The following TRIML2 variants were observed in gnomAD, a reference collection of about 807,000 sequenced individuals.
TRIML2 encodes tripartite motif family like 2.
In TRIML2, 28 loss-of-function variants were observed where a neutral mutation model predicts 31.2. The observed-to-expected ratio is 0.90, with a 90% CI of 0.66 to 1.23. TRIML2 has a LOEUF of 1.23. TRIML2 is among the 50% of genes most tolerant of loss of function. TRIML2 has a pLI of 0.00. For missense variants in TRIML2, 536 were observed against 528.3 expected, an observed-to-expected ratio of 1.01 and a Z score of -0.14; for synonymous variants, 187 against 197.5, an observed-to-expected ratio of 0.95 and a Z score of 0.45.
chr4:188,105,108 C>A lies in TRIML2; in HGVS notation c.189+72G>T, dbSNP rs116745036. On this transcript the variant is annotated intron_variant, in intron 2 of 7. Transcript: ENST00000682553. Reference sequence around the variant, plus strand: ...AACTAAGGTAATGGTTTTGGAGGACCAGAATGTCTGTCCATTTCATCCATA... The same window carrying A: ...AACTAAGGTAATGGTTTTGGAGGACAAGAATGTCTGTCCATTTCATCCATA... The A allele has an allele frequency of 4.8e-4, 728 of 1,529,316 alleles. 6 individuals are homozygous for A. The African/African-American group carries it at 8.9e-3, about 19-fold the overall frequency. 94.7% of individuals were successfully genotyped at this position (1,529,316 alleles called of 1,614,324 possible).
chr4:188,106,208 C>T (rs929319753), intron 1 of TRIML2, among the ~76,000 whole-genome samples: 1 of 49,636 alleles, frequency 2.0e-5, no homozygotes, highest in Non-Finnish European at 3.6e-5. Flanking sequence ...CGCCACCTCG[C>T]CCGGCTAATT....
intron 7 of TRIML2, among the ~76,000 whole-genome samples, chr4:188,096,420 T>C (rs1733511257): frequency 6.9e-6 from 1 of 145,588 alleles, no homozygotes; most frequent in Non-Finnish European, 1.5e-5. Context: ...TAATCCCAGC[T>C]ACTTGGGAGG....
chr4:188,091,535 G>A lies in TRIML2; in HGVS notation c.1152C>T (p.Tyr384=), dbSNP rs145069838. The part of the protein sequence containing the change: ...LDCEHGQISF[Y]NVTEMSLIYN... ...AAATGAGGGACATCTCGGTCACATT[G>A]TAGAATGATATCTGCCCGTGTTCGC... Residue 384 remains tyrosine (Y), a synonymous_variant, in exon 8 of 8, where the codon TAC becomes TAT. Transcript: ENST00000682553. 163 of 1,614,166 alleles carry A rather than the reference G, an allele frequency of 1.0e-4. No individual in the cohort carries two copies. In the African/African-American group the frequency reaches 1.9e-3, roughly 19 times the overall value.
At chr4:188,094,631 G>A (rs763820578) in intron 7 of TRIML2, among the ~76,000 whole-genome samples, 3 of 152,044 alleles carry the variant, frequency 2.0e-5, no homozygotes, top group Non-Finnish European at 2.9e-5. Context: ...GAGAGAAATC[G>A]AAGACCTAAA....
At chr4:188,101,439 C>T (rs192194703) in intron 3 of TRIML2, among the ~76,000 whole-genome samples, 189 bp from the exon 4 acceptor site, 1 of 150,938 alleles carries the variant, frequency 6.6e-6, no homozygotes, top group East Asian at 2.0e-4. Context: ...CTCACGCCTG[C>T]AATCCCAGCA....
intron 3 of TRIML2, among the ~76,000 whole-genome samples, chr4:188,103,005 G>GTTTTTTTTTTTT (rs145048322): frequency 1.0e-5 from 1 of 97,844 alleles, no homozygotes; most frequent in Non-Finnish European, 1.9e-5. Flanking sequence ...TACTCTCTTG[G>GTTTTTTTTTTTT]TTTTTTTTTT....
chr4:188,104,166 C>T (rs550237571), intron 3 of TRIML2, among the ~76,000 whole-genome samples: 29 of 152,276 alleles, frequency 1.9e-4, no homozygotes, highest in Non-Finnish European at 2.9e-4. Context: ...TTGTTATAAA[C>T]GGTGTCGTTA....
In TRIML2 at chr4:188,097,059, A is replaced by G; in HGVS notation, c.745+2T>C. 1 of 1,603,788 alleles carries G rather than the reference A, an allele frequency of 6.2e-7. No individual in the cohort carries two copies. The highest frequency in any genetic ancestry group is 1.7e-5 in the Admixed American group (1 of 59,942). On this transcript the variant is annotated splice_donor_variant, in intron 7 of 7. Transcript: ENST00000682553. LOFTEE classifies it high-confidence loss of function. Reference sequence around the variant, plus strand: ...TGTGAGTATTCACATGTGTCAACTTACTCTGGAGTACTCTGAACATGCTGC... The same window carrying G: ...TGTGAGTATTCACATGTGTCAACTTGCTCTGGAGTACTCTGAACATGCTGC...
chr4:188,103,005 G>GTT (rs145048322), intron 3 of TRIML2, among the ~76,000 whole-genome samples: 1,736 of 97,648 alleles, frequency 0.018, 1 homozygote, highest in Middle Eastern at 0.03. Flanking sequence ...TACTCTCTTG[G>GTT]TTTTTTTTTT....
At chr4:188,094,829 T>C (rs142831396) in intron 7 of TRIML2, among the ~76,000 whole-genome samples, 32 of 152,186 alleles carry the variant, frequency 2.1e-4, no homozygotes, top group African/African-American at 7.7e-4. Context: ...GCCAAAACTA[T>C]TCTGAAAAAG....
chr4:188,091,416 A>T lies in TRIML2; in HGVS notation c.1271T>A (p.Ile424Asn). Residue 424 changes from isoleucine to asparagine, a missense_variant, in exon 8 of 8, where the codon ATC becomes AAC. Coordinates refer to ENST00000682553, the MANE Select transcript of TRIML2 (RefSeq NM_173553.4). ...ATCACAAGAAGGACCATGTTGTAAG[A>T]TGGTGAGGGAGTCTGGACTTGTGTC... is the stretch of plus-strand genomic sequence containing the variant. ...NGDTSPDSLT[I>N]LQHGPSCDAT... 1 of 1,614,190 alleles carries T rather than the reference A, an allele frequency of 6.2e-7. No homozygotes were observed. The highest frequency in any genetic ancestry group is 1.1e-5 in the South Asian group (1 of 91,082).
At chr4:188,098,651 T>C (rs1318355375) in intron 5 of TRIML2, 2 of 202,822 alleles carry the variant, frequency 9.9e-6, no homozygotes, top group Non-Finnish European at 2.0e-5. Context: ...TATCCAAAGA[T>C]CAAACAAAAA....
chr4:188,109,481 T>G lies in TRIML2; in HGVS notation c.-461A>C, dbSNP rs2172343. 1 of 151,158 alleles carries G rather than the reference T, an allele frequency of 6.6e-6. No homozygotes were observed. The allele number at this position is 151,158 out of a possible 1,614,324, so 9.4% of individuals were successfully genotyped here. A position where few individuals can be genotyped will look rare whatever the true frequency, so the allele number is the denominator to read the frequency against. Reference sequence around the variant, plus strand: ...TTTGTAGAGACGGGGTTTCAGTATTTTTCCCAGGCTGGTCTTGAACTCCTG... The same window carrying G: ...TTTGTAGAGACGGGGTTTCAGTATTGTTCCCAGGCTGGTCTTGAACTCCTG... On this transcript the variant is annotated 5_prime_UTR_variant, in exon 1 of 8. Transcript: ENST00000682553.
In TRIML2 at chr4:188,105,274, A is replaced by G. The variant is rs755811683; in HGVS notation, c.95T>C (p.Val32Ala). The G allele has an allele frequency of 3.0e-5, 48 of 1,612,602 alleles. No homozygotes were observed. The highest frequency in any genetic ancestry group is 1.6e-4 in the Middle Eastern group (1 of 6,078). Residue 32 changes from valine to alanine, a missense_variant, in exon 2 of 8, where the codon GTT becomes GCT. By Grantham distance (64) the Val-to-Ala change is moderately conservative (BLOSUM62 0). Transcript: ENST00000682553. ...TTTGCTGCAGAGTGTGATTTGGTCA[A>G]CATCACAGAACAGCCGTGTTGGTTC... ...HLEPTRLFCD[V>A]DQITLCSKCF... is the part of the protein sequence containing the mutation.
intron 5 of TRIML2, among the ~76,000 whole-genome samples, chr4:188,098,026 G>T (rs1478180259): frequency 6.6e-6 from 1 of 151,654 alleles, no homozygotes; most frequent in Non-Finnish European, 1.5e-5. Context: ...GGAGGCTGAG[G>T]CAGGAGAATC....
At chr4:188,105,802 C>A in intron 1 of TRIML2, 1 of 156,538 alleles carries the variant, frequency 6.4e-6, no homozygotes, top group Non-Finnish European at 1.4e-5. Flanking sequence ...GAAAGAGGTT[C>A]GTTGATAGAA....
chr4:188,094,862 T>C (rs544723143), intron 7 of TRIML2, among the ~76,000 whole-genome samples: 1 of 152,334 alleles, frequency 6.6e-6, no homozygotes, highest in African/African-American at 2.4e-5. Context: ...GAATGCACAG[T>C]ACCTGCTTTC....
At chr4:188,102,129 TAAA>T (rs141783514) in intron 3 of TRIML2, among the ~76,000 whole-genome samples, 7 of 106,288 alleles carry the variant, frequency 6.6e-5, no homozygotes, top group Non-Finnish European at 4.0e-5. Context: ...GACTCCATCT[TAAA>T]AAAAAAAAAA....
chr4:188,101,960 C>T (rs1203038317), intron 3 of TRIML2, among the ~76,000 whole-genome samples: 4 of 151,312 alleles, frequency 2.6e-5, no homozygotes, highest in Non-Finnish European at 5.9e-5. Context: ...GAAACCCCGT[C>T]TCTACTAAAA....
Sources: allele counts gnomAD v4.1 joint callset (sites outside exome capture counted in the v4.1 genomes callset), GRCh38; gene constraint gnomAD v4.1.1; transcripts MANE v1.5; gene names NCBI Gene and HGNC (gene_info 2026-07-23, HGNC 2026-07-21).